The following GPC5 variants were observed in gnomAD, a reference collection of about 807,000 sequenced individuals.
GPC5 encodes the protein glypican-5.
Under a neutral mutation model 53.9 loss-of-function variants are expected in GPC5, and 47 were observed. That is an observed-to-expected ratio of 0.87 (90% CI 0.69 to 1.11). The LOEUF (loss-of-function observed/expected upper bound fraction) is 1.11. Ranked by LOEUF, GPC5 falls within the 50% of genes most tolerant of loss-of-function variation. The pLI, the probability that GPC5 is intolerant of heterozygous loss-of-function variation, is 0.00. For missense variants in GPC5, 748 were observed against 713.1 expected, an observed-to-expected ratio of 1.05 and a Z score of -0.56; for synonymous variants, 286 against 263.3, an observed-to-expected ratio of 1.09 and a Z score of -0.84.
At chr13:92,319,748 T>C (rs1008368223) in intron 7 of GPC5, among the ~76,000 whole-genome samples, 2 of 152,224 alleles carry the variant, frequency 1.3e-5, no homozygotes, top group East Asian at 3.8e-4. Flanking sequence ...CATACATTTA[T>C]GTATCACACA....
chr13:92,434,619 A>T (rs1877228235), intron 7 of GPC5, among the ~76,000 whole-genome samples: 1 of 152,202 alleles, frequency 6.6e-6, no homozygotes, highest in Non-Finnish European at 1.5e-5. Context: ...TTGTGGTTTA[A>T]ATCTGATACT....
At chr13:91,533,632 G>C (rs979615987) in intron 2 of GPC5, among the ~76,000 whole-genome samples, 1 of 152,116 alleles carries the variant, frequency 6.6e-6, no homozygotes, top group African/African-American at 2.4e-5. Context: ...TTACAGAGGA[G>C]TCTGGGAGCA....
intron 6 of GPC5, among the ~76,000 whole-genome samples, chr13:91,915,588 G>T (rs1447669180): frequency 1.3e-5 from 2 of 151,854 alleles, no homozygotes; most frequent in Non-Finnish European, 2.9e-5. Context: ...TTTTCTGCCG[G>T]GTTTACTGTT....
intron 6 of GPC5, among the ~76,000 whole-genome samples, chr13:92,085,972 A>G (rs774095176): frequency 3.9e-5 from 6 of 152,222 alleles, no homozygotes; most frequent in Admixed American, 2.6e-4. Flanking sequence ...ACGGACTAGT[A>G]TGGGTTTGGA....
At chr13:91,874,942 C>T (rs1482311633) in intron 5 of GPC5, among the ~76,000 whole-genome samples, 1 of 152,046 alleles carries the variant, frequency 6.6e-6, no homozygotes, top group Admixed American at 6.6e-5. Context: ...TGAGTGTATG[C>T]CCCTTTGACT....
chr13:92,538,410 CCCTA>C (rs1881796635), intron 7 of GPC5, among the ~76,000 whole-genome samples: 1 of 150,916 alleles, frequency 6.6e-6, no homozygotes. Flanking sequence ...ATTCCTTCTT[CCCTA>C]CCTCTCTTCC....
At chr13:92,381,909 GATATATATAATCATATA>G (rs2043748981) in intron 7 of GPC5, among the ~76,000 whole-genome samples, 2 of 122,118 alleles carry the variant, frequency 1.6e-5, no homozygotes, top group South Asian at 4.9e-4. Context: ...TCATATATAT[GATATATATAATCATATA>G]TATGATTATA....
chr13:91,626,864 CTG>C (rs2034017088), intron 2 of GPC5, among the ~76,000 whole-genome samples: 1 of 151,998 alleles, frequency 6.6e-6, no homozygotes, highest in African/African-American at 2.4e-5. Context: ...GTTCCCCTTC[CTG>C]TGTCCAGGTG....
At chr13:92,713,671 A>T (rs1398152640) in intron 7 of GPC5, among the ~76,000 whole-genome samples, 1 of 151,894 alleles carries the variant, frequency 6.6e-6, no homozygotes, top group Non-Finnish European at 1.5e-5. Flanking sequence ...AAACAATGAG[A>T]TGAGATGACA....
intron 7 of GPC5, among the ~76,000 whole-genome samples, chr13:92,619,461 G>A (rs1203624609): frequency 2.6e-5 from 4 of 152,018 alleles, no homozygotes; most frequent in Admixed American, 6.5e-5. Context: ...TGCAAAGATC[G>A]CATATACGTC....
At chr13:92,632,324 T>C (rs1051762287) in intron 7 of GPC5, among the ~76,000 whole-genome samples, 1 of 152,006 alleles carries the variant, frequency 6.6e-6, no homozygotes, top group African/African-American at 2.4e-5. Context: ...GATTTTCTAA[T>C]AGCATCTTCA....
chr13:91,762,824 C>A (rs1260368173), intron 5 of GPC5, among the ~76,000 whole-genome samples: 1 of 152,122 alleles, frequency 6.6e-6, no homozygotes, highest in Non-Finnish European at 1.5e-5. Flanking sequence ...TTTCTCCATG[C>A]AACTGTATAT....
intron 5 of GPC5, among the ~76,000 whole-genome samples, chr13:91,766,182 T>C (rs1466915441): frequency 2.0e-5 from 3 of 152,196 alleles, no homozygotes; most frequent in African/African-American, 7.2e-5. Flanking sequence ...TTACAAAATC[T>C]TTCAAGTTGG....
intron 7 of GPC5, among the ~76,000 whole-genome samples, chr13:92,691,297 G>T (rs1887381171): frequency 7.7e-6 from 1 of 130,560 alleles, no homozygotes; most frequent in Non-Finnish European, 1.6e-5. Context: ...GGTCTGAAAA[G>T]CGCAATATTC....
At chr13:92,458,131 A>G (rs148549150) in intron 7 of GPC5, among the ~76,000 whole-genome samples, 79 of 150,380 alleles carry the variant, frequency 5.3e-4, no homozygotes, top group African/African-American at 1.9e-3. Flanking sequence ...AAATAGAAAA[A>G]CTCCTGTTAT....
chr13:91,570,505 A>G (rs2031733766), intron 2 of GPC5, among the ~76,000 whole-genome samples: 1 of 152,212 alleles, frequency 6.6e-6, no homozygotes, highest in South Asian at 2.1e-4. Flanking sequence ...CTTAGAAAAT[A>G]TTTAAAATTA....
rs1328561492 is a variant in GPC5 at position 92,347,908 on chromosome 13, A to G, written c.1561+202919A>G. On this transcript the variant is annotated intron_variant, in intron 7 of 7. Transcript: ENST00000377067. ...TATATATATTATATATATAATATAT[A>G]TATAATATATATATATTATATATAC... is the stretch of plus-strand genomic sequence containing the variant. Among the ~76,000 whole-genome samples, 97 of 16,194 alleles carry G rather than the reference A, an allele frequency of 6.0e-3. 32 individuals carry two copies. In the East Asian group the frequency reaches 0.075, roughly 13 times the overall value. The allele number at this position is 16,194 out of a possible 152,430, so 10.6% of individuals were successfully genotyped here.
At chr13:91,638,387 A>G (rs1366904191) in intron 2 of GPC5, among the ~76,000 whole-genome samples, 2 of 148,756 alleles carry the variant, frequency 1.3e-5, no homozygotes, top group African/African-American at 5.0e-5. Context: ...TTTTTTTGAG[A>G]CGGAGTTTCA....
At chr13:91,631,599 C>A (rs1482457684) in intron 2 of GPC5, among the ~76,000 whole-genome samples, 2 of 152,056 alleles carry the variant, frequency 1.3e-5, no homozygotes, top group Non-Finnish European at 2.9e-5. Context: ...TGAGCTGCAA[C>A]TCTTTTAAAA....
Sources: allele counts gnomAD v4.1 joint callset (sites outside exome capture counted in the v4.1 genomes callset), GRCh38; gene constraint gnomAD v4.1.1; transcripts MANE v1.5; gene names NCBI Gene and HGNC (gene_info 2026-07-23, HGNC 2026-07-21).